RSF1: variants seen among roughly 807,000 people sequenced by gnomAD.
RSF1 encodes the protein HBV pX-associated protein 8.
In RSF1, 13 loss-of-function variants were observed where a neutral mutation model predicts 145.2. The observed-to-expected ratio is 0.09, with a 90% CI of 0.06 to 0.14. The LOEUF (loss-of-function observed/expected upper bound fraction) is 0.14. Among genes scored for constraint, RSF1 ranks in the 10% least tolerant of loss-of-function variants. RSF1 has a pLI of 1.00. For missense variants in RSF1, 1,517 were observed against 1,718.2 expected, an observed-to-expected ratio of 0.88 and a Z score of 2.07; for synonymous variants, 577 against 592.6, an observed-to-expected ratio of 0.97 and a Z score of 0.38.
At chr11:77,709,369 G>A (rs1328676153) in intron 5 of RSF1, among the ~76,000 whole-genome samples, 1 of 152,152 alleles carries the variant, frequency 6.6e-6, no homozygotes, top group Non-Finnish European at 1.5e-5. Flanking sequence ...AAATTTGACT[G>A]CTTTTGTTCA....
chr11:77,739,867 G>T (rs1961464001), intron 4 of RSF1, among the ~76,000 whole-genome samples: 1 of 152,182 alleles, frequency 6.6e-6, no homozygotes, highest in East Asian at 1.9e-4. Flanking sequence ...TATATTTCAT[G>T]GTTATATATT....
Position 77,664,487 on chromosome 11 carries a change from C to T in RSF1, c.*2430G>A, listed in dbSNP as rs1959313440. On this transcript the variant is annotated 3_prime_UTR_variant, in exon 16 of 16. Transcript: ENST00000308488. ...AGAGTAAAAATAACTCCTTATTTCA[C>T]ATTAGGCATCCTGTTAAAATTATCT... The T allele has an allele frequency of 6.6e-6, 1 of 152,200 alleles. No individual in the cohort carries two copies. The allele number at this position is 152,200 out of a possible 1,614,324, so 9.4% of individuals were successfully genotyped here. A position where few individuals can be genotyped will look rare whatever the true frequency, so the allele number is the denominator to read the frequency against.
the RSF1 span, among the ~76,000 whole-genome samples, chr11:77,828,424 T>C: frequency 6.6e-6 from 1 of 152,036 alleles, no homozygotes; most frequent in South Asian, 2.1e-4. Context: ...TCCCAGTACT[T>C]TGGGAGGCCG....
the RSF1 span, chr11:77,866,753 T>A: frequency 6.6e-6 from 1 of 152,048 alleles, no homozygotes; most frequent in African/African-American, 2.4e-5. Context: ...TTAAAAAAAA[T>A]AAAACTGCAC....
At chr11:77,861,514 G>T in the RSF1 span, among the ~76,000 whole-genome samples, 2 of 152,334 alleles carry the variant, frequency 1.3e-5, no homozygotes, top group East Asian at 3.9e-4. Context: ...GCTGGCACTT[G>T]CCCTGGGCAC....
chr11:77,697,464 A>T (rs1960305110), intron 7 of RSF1, among the ~76,000 whole-genome samples: 1 of 25,818 alleles, frequency 3.9e-5, no homozygotes, highest in South Asian at 5.4e-4. Flanking sequence ...ATATTATATA[A>T]AATATATTTA....
At chr11:77,806,168 G>A (rs1252654083) in intron 1 of RSF1, among the ~76,000 whole-genome samples, 1 of 151,914 alleles carries the variant, frequency 6.6e-6, no homozygotes, top group Non-Finnish European at 1.5e-5. Flanking sequence ...GAGAATTTCA[G>A]GTCACCCCTG....
chr11:77,872,145 T>A, the RSF1 span: 1 of 1,603,782 alleles, frequency 6.2e-7, no homozygotes, highest in South Asian at 1.1e-5. Flanking sequence ...CCTTTCCCCC[T>A]ACTTACTCAT....
At chr11:77,723,700 T>C (rs897381199) in intron 5 of RSF1, among the ~76,000 whole-genome samples, 1 of 152,246 alleles carries the variant, frequency 6.6e-6, no homozygotes, top group Non-Finnish European at 1.5e-5. Flanking sequence ...CAAGCAATGC[T>C]TGCAGATATG....
chr11:77,691,069 C>G, intron 9 of RSF1, 90 bp downstream of exon 9: 1 of 1,304,398 alleles, frequency 7.7e-7, no homozygotes. Flanking sequence ...GTATGCCAAT[C>G]CTTGTTTTAG....
chr11:77,826,281 G>T, the RSF1 span, among the ~76,000 whole-genome samples: 1 of 151,744 alleles, frequency 6.6e-6, no homozygotes, highest in East Asian at 1.9e-4. Context: ...AGAATCACTT[G>T]AACCCAGGAG....
intron 11 of RSF1, among the ~76,000 whole-genome samples, chr11:77,678,443 G>T (rs976568726): frequency 1.3e-5 from 2 of 151,846 alleles, no homozygotes; most frequent in East Asian, 3.9e-4. Context: ...TCTCGATCTC[G>T]ACCTCGTGAT....
intron 5 of RSF1, among the ~76,000 whole-genome samples, chr11:77,706,230 ACT>A (rs1960546350): frequency 7.5e-6 from 1 of 133,562 alleles, no homozygotes; most frequent in African/African-American, 2.9e-5. Context: ...ACAGAGTGAG[ACT>A]CTGTCTCCAA....
chr11:77,698,910 A>T (rs984897263), intron 6 of RSF1, among the ~76,000 whole-genome samples: 1 of 152,210 alleles, frequency 6.6e-6, no homozygotes, highest in Non-Finnish European at 1.5e-5. Context: ...CTTAAAACCG[A>T]ATTATAATGA....
chr11:77,870,819 C>A, the RSF1 span, among the ~76,000 whole-genome samples: 1 of 152,096 alleles, frequency 6.6e-6, no homozygotes, highest in Non-Finnish European at 1.5e-5. Context: ...TATAGATATA[C>A]GTTTATATAC....
At chr11:77,762,509 C>T (rs752109389) in intron 2 of RSF1, 1 of 152,226 alleles carries the variant, frequency 6.6e-6, no homozygotes, top group East Asian at 1.9e-4. Context: ...GGCCTCCACT[C>T]ACTGTCATTT....
chr11:77,676,279 C>CTT (rs72097709), intron 13 of RSF1, among the ~76,000 whole-genome samples: 1 of 145,280 alleles, frequency 6.9e-6, no homozygotes, highest in Non-Finnish European at 1.5e-5. Context: ...TGCAGAATGA[C>CTT]TTTTTTTTTT....
intron 5 of RSF1, among the ~76,000 whole-genome samples, chr11:77,707,758 T>C (rs1960584585): frequency 1.3e-5 from 2 of 152,234 alleles, no homozygotes; most frequent in Admixed American, 1.3e-4. Context: ...TCAATAAATA[T>C]TTACTGAGTG....
Position 77,714,710 on chromosome 11 carries a change from C to T in RSF1, c.733+10835G>A, listed in dbSNP as rs148400746. On this transcript the variant is annotated intron_variant, in intron 5 of 15. Transcript: ENST00000308488. ...TACAAAAATTAGCTAAGCGCAGTGGCGCATGCCTGTAGTTCCAGCTACTCA... is the reference window on the plus strand; with the variant it reads ...TACAAAAATTAGCTAAGCGCAGTGGTGCATGCCTGTAGTTCCAGCTACTCA... Among the ~76,000 whole-genome samples the T allele has an allele frequency of 2.9e-3, 437 of 152,234 alleles. 5 individuals are homozygous for T. Among genetic ancestry groups the T allele is most frequent in the African/African-American group, 0.01 (419 of 41,536 alleles).
Sources: gnomAD v4.1 joint callset for allele counts (sites outside exome capture counted in the v4.1 genomes callset) on GRCh38, gnomAD v4.1.1 for gene constraint, MANE v1.5 for transcripts, NCBI Gene and HGNC (gene_info 2026-07-23, HGNC 2026-07-21) for gene names.